The following TUT7 variants were observed in gnomAD, a reference collection of about 807,000 sequenced individuals.
TUT7 encodes terminal uridylyltransferase 7.
TUT7 carries 33 observed loss-of-function variants against 165.9 expected under a neutral mutation model. The ratio of observed to expected loss-of-function variants is 0.20; its 90% CI spans 0.15 to 0.27. TUT7 has a LOEUF of 0.27. Ranked by LOEUF, TUT7 falls within the 10% of genes least tolerant of loss-of-function variation. The pLI is 1.00. For missense variants in TUT7, 1,338 were observed against 1,762.3 expected, an observed-to-expected ratio of 0.76 and a Z score of 4.31; for synonymous variants, 552 against 608.1, an observed-to-expected ratio of 0.91 and a Z score of 1.36.
chr9:86,347,526 G>A lies in TUT7; in HGVS notation c.521-1046C>T, dbSNP rs534236795. 2.9e-4 allele frequency among the ~76,000 whole-genome samples: 44 copies of A among 152,220 alleles called. No homozygotes were observed. In the South Asian group the frequency reaches 4.6e-3, roughly 16 times the overall value. ...ACTAGTATGGCAATTACAATGAACT[G>A]GCAGGCTGAAAAGGAAATATAGGAC... On this transcript the variant is annotated intron_variant, in intron 2 of 26. Transcript: ENST00000375963.
chr9:86,288,686 C>T lies in TUT7; in HGVS notation c.4479G>A (p.Gln1493=). 1 of 1,613,724 alleles carries T rather than the reference C, an allele frequency of 6.2e-7. No homozygotes were observed. The highest frequency in any genetic ancestry group is 8.5e-7 in the Non-Finnish European group (1 of 1,179,798). Residue 1493 remains glutamine (Q), a synonymous_variant, in exon 27 of 27, where the codon CAG becomes CAA. Coordinates refer to ENST00000375963, the MANE Select transcript of TUT7 (RefSeq NM_024617.4). Reference sequence around the variant, plus strand: ...CTGCATTTTCCTTCCCTCATGATTCCTGCTGGGTCCTCTTCGCTGAGGCTT... The same window carrying T: ...CTGCATTTTCCTTCCCTCATGATTCTTGCTGGGTCCTCTTCGCTGAGGCTT... ...QGKASAKRTQ[Q]ES
intron 26 of TUT7, among the ~76,000 whole-genome samples, chr9:86,289,890 TC>T (rs1825784662): frequency 6.6e-6 from 1 of 151,868 alleles, no homozygotes; most frequent in Non-Finnish European, 1.5e-5. Flanking sequence ...GAACTTAAAA[TC>T]CAAAACTTAC....
At chr9:86,350,640 T>C (rs2131621376) in intron 2 of TUT7, among the ~76,000 whole-genome samples, 1 of 152,360 alleles carries the variant, frequency 6.6e-6, no homozygotes, top group South Asian at 2.1e-4. Context: ...TTAACCTCTC[T>C]GAGCTGCAGC....
chr9:86,326,985 TTTA>T (rs1028616199), intron 11 of TUT7, among the ~76,000 whole-genome samples: 3 of 152,256 alleles, frequency 2.0e-5, no homozygotes, highest in African/African-American at 7.2e-5. Context: ...TCAATCATAC[TTTA>T]TTATATTAAG....
intron 10 of TUT7, among the ~76,000 whole-genome samples, chr9:86,331,971 C>T (rs1830359728): frequency 2.0e-5 from 3 of 152,178 alleles, no homozygotes; most frequent in African/African-American, 7.2e-5. Context: ...CTGAAGAAGA[C>T]ATACATGCAG....
At chr9:86,335,194 T>C (rs1830659149) in intron 10 of TUT7, among the ~76,000 whole-genome samples, 1 of 152,194 alleles carries the variant, frequency 6.6e-6, no homozygotes, top group Non-Finnish European at 1.5e-5. Flanking sequence ...AGAGATTAAA[T>C]AACTTGCTCA....
chr9:86,290,283 T>C (rs1053507865), intron 26 of TUT7, among the ~76,000 whole-genome samples: 2 of 152,230 alleles, frequency 1.3e-5, no homozygotes, highest in Non-Finnish European at 2.9e-5. Context: ...ATTTTCTTCA[T>C]TTTACTTAAC....
intron 25 of TUT7, 32 bp from the exon 26 acceptor site, chr9:86,301,633 C>G: frequency 6.4e-7 from 1 of 1,571,668 alleles, no homozygotes; most frequent in Non-Finnish European, 8.6e-7. Flanking sequence ...TAGCAAAAAT[C>G]TAAACAGAAG....
At chr9:86,309,833 T>C (rs1429449272) in intron 19 of TUT7, 95 bp downstream of exon 19, 2 of 1,254,786 alleles carry the variant, frequency 1.6e-6, no homozygotes, top group East Asian at 2.4e-5. Flanking sequence ...GCATTTCACA[T>C]GACTACAGTT....
intron 26 of TUT7, among the ~76,000 whole-genome samples, chr9:86,294,046 G>A (rs1052619507): frequency 3.9e-5 from 6 of 152,120 alleles, no homozygotes; most frequent in African/African-American, 1.4e-4. Flanking sequence ...GCGCCCGGCC[G>A]CAAGGATAGT....
chr9:86,340,246 C>T, intron 7 of TUT7, 141 bp from the exon 8 acceptor site: 1 of 631,964 alleles, frequency 1.6e-6, no homozygotes, highest in Non-Finnish European at 2.7e-6. Flanking sequence ...TCTGCAATGA[C>T]TTGAAAAGGA....
At chr9:86,314,803 C>T (rs1828549244) in intron 17 of TUT7, among the ~76,000 whole-genome samples, 2 of 152,182 alleles carry the variant, frequency 1.3e-5, no homozygotes, top group Non-Finnish European at 2.9e-5. Context: ...TTCATCTTAT[C>T]TCCTAGTATT....
chr9:86,292,098 A>G (rs562708560), intron 26 of TUT7, among the ~76,000 whole-genome samples: 53 of 152,334 alleles, frequency 3.5e-4, no homozygotes, highest in African/African-American at 1.2e-3. Context: ...GTGACTATTC[A>G]CAGGCACTAT....
At position 86,328,480 on chromosome 9, in the gene TUT7, A is replaced by G; in HGVS notation, c.1468T>C (p.Ser490Pro). 1 of 1,605,550 alleles carries G rather than the reference A, an allele frequency of 6.2e-7. No individual in the cohort carries two copies. The highest frequency in any genetic ancestry group is 1.1e-5 in the South Asian group (1 of 89,000). Residue 490 changes from serine to proline, a missense_variant, in exon 11 of 27, where the codon TCA becomes CCA. This residue lies in a region of TUT7 where 74 missense variants were observed against 128.5 expected (regional missense o/e 0.58). Coordinates refer to ENST00000375963, the MANE Select transcript of TUT7 (RefSeq NM_024617.4). ...TTGAAATTCCCTAGTTTGCTTAATG[A>G]GAATCCTTCAATCTAGGAAAAATTA... The part of the protein sequence containing the change: ...VYLGSWIEGF[S>P]LSKLGNFNLQ...
At chr9:86,297,773 A>C (rs1406381250) in intron 26 of TUT7, among the ~76,000 whole-genome samples, 1 of 152,122 alleles carries the variant, frequency 6.6e-6, no homozygotes, top group Non-Finnish European at 1.5e-5. Context: ...TCCTTGGCTC[A>C]AAACCCTACA....
intron 24 of TUT7, 21 bp downstream of exon 24, chr9:86,304,835 T>C (rs1827306116): frequency 3.3e-6 from 5 of 1,517,718 alleles, no homozygotes; most frequent in Non-Finnish European, 4.5e-6. Context: ...TTTTATTTTT[T>C]GGTATTTCCA....
At chr9:86,330,484 C>T (rs950364475) in intron 10 of TUT7, among the ~76,000 whole-genome samples, 9 of 152,142 alleles carry the variant, frequency 5.9e-5, no homozygotes, top group Non-Finnish European at 1.3e-4. Context: ...AAATATTAGG[C>T]GTAGTGACTA....
At chr9:86,288,857 G>A (rs1341002111) in intron 26 of TUT7, 113 bp from the exon 27 acceptor site, 1 of 699,356 alleles carries the variant, frequency 1.4e-6, no homozygotes, top group African/African-American at 1.8e-5. Flanking sequence ...TACTAGAATT[G>A]GTCACTTGTT....
At chr9:86,320,908 AT>A (rs1564061794) in intron 14 of TUT7, among the ~76,000 whole-genome samples, 1 of 152,120 alleles carries the variant, frequency 6.6e-6, no homozygotes, top group Non-Finnish European at 1.5e-5. Flanking sequence ...CAGGCCATGC[AT>A]TTTTGTAGCA....
Sources: gnomAD v4.1 joint callset for allele counts (sites outside exome capture counted in the v4.1 genomes callset) on GRCh38, gnomAD v4.1.1 for gene constraint, gnomAD v4.1.1 regional missense constraint, MANE v1.5 for transcripts, NCBI Gene and HGNC (gene_info 2026-07-23, HGNC 2026-07-21) for gene names.